ESRRG: variants seen among roughly 807,000 people sequenced by gnomAD.
ESRRG encodes estrogen-related receptor gamma.
In ESRRG, 13 loss-of-function variants were observed where a neutral mutation model predicts 44.0. The observed-to-expected ratio is 0.30, with a 90% CI of 0.19 to 0.47. The LOEUF is 0.47. ESRRG is among the 20% of genes least tolerant of loss of function. The pLI, the probability that ESRRG is intolerant of heterozygous loss-of-function variation, is 1.00. For synonymous variants in ESRRG, 215 were observed against 214.6 expected (o/e 1.00, Z -0.02); for missense variants, 395 against 580.6 (o/e 0.68, Z 3.29).
intron 2 of ESRRG, among the ~76,000 whole-genome samples, chr1:216,786,566 T>A (rs1296921954): frequency 6.6e-6 from 1 of 152,040 alleles, no homozygotes; most frequent in Non-Finnish European, 1.5e-5. Flanking sequence ...CTACATAAGA[T>A]AATATAGAAA....
intron 1 of ESRRG, among the ~76,000 whole-genome samples, chr1:217,060,824 A>ATGAT (rs1189198839): frequency 1.3e-5 from 2 of 151,854 alleles, no homozygotes; most frequent in African/African-American, 4.8e-5. Context: ...AGATAGATAG[A>ATGAT]TAGATAGAAA....
At chr1:217,005,892 G>C (rs2150722723) in intron 1 of ESRRG, among the ~76,000 whole-genome samples, 1 of 152,170 alleles carries the variant, frequency 6.6e-6, no homozygotes, top group African/African-American at 2.4e-5. Context: ...TCATTACTAT[G>C]TTAATCACTG....
intron 1 of ESRRG, among the ~76,000 whole-genome samples, chr1:216,960,739 C>T (rs2068877327): frequency 6.6e-6 from 1 of 152,066 alleles, no homozygotes; most frequent in Non-Finnish European, 1.5e-5. Context: ...GTGCATGCCA[C>T]CATGCCTGGC....
At chr1:216,552,296 CTCTTT>C (rs1022790683) in intron 5 of ESRRG, among the ~76,000 whole-genome samples, 2 of 151,930 alleles carry the variant, frequency 1.3e-5, no homozygotes, top group African/African-American at 4.8e-5. Context: ...GAATAGTATA[CTCTTT>C]TCTGAAAAAC....
chr1:216,748,351 A>G (rs1039479356), intron 2 of ESRRG, among the ~76,000 whole-genome samples: 6 of 152,170 alleles, frequency 3.9e-5, no homozygotes, highest in Non-Finnish European at 7.4e-5. Flanking sequence ...TAAGAAAAAC[A>G]TACAAGAAAG....
At chr1:217,032,687 G>A (rs1247179677) in intron 1 of ESRRG, among the ~76,000 whole-genome samples, 3 of 152,110 alleles carry the variant, frequency 2.0e-5, no homozygotes, top group African/African-American at 7.2e-5. Context: ...TGATTGTTTT[G>A]AAAACTGTGG....
rs181339719 is a variant in ESRRG, at chr1:216,877,013, T to A, written c.-14+62569A>T. On this transcript the variant is annotated intron_variant, in intron 2 of 7. Coordinates refer to the ESRRG transcript ENST00000359162. ...GTGTGTGTGTGTGTGTGTGTGTGTG[T>A]GATCTATGAAGCATGGAAGAATAAA... Among the ~76,000 whole-genome samples, 137 of 148,082 alleles carry A rather than the reference T, an allele frequency of 9.3e-4. 1 individual carries two copies. Among genetic ancestry groups the A allele is most frequent in the Middle Eastern group, 3.5e-3 (1 of 282 alleles).
At chr1:216,994,319 G>A (rs1358237812) in intron 1 of ESRRG, among the ~76,000 whole-genome samples, 1 of 152,150 alleles carries the variant, frequency 6.6e-6, no homozygotes, top group Non-Finnish European at 1.5e-5. Context: ...TCCAGTCCCA[G>A]GTATGCATTT....
chr1:216,871,223 G>A (rs1432408510), intron 2 of ESRRG, among the ~76,000 whole-genome samples: 1 of 151,740 alleles, frequency 6.6e-6, no homozygotes, highest in East Asian at 1.9e-4. Context: ...CTAATCCCCT[G>A]AGACTTCATC....
At chr1:216,989,164 A>G (rs74946152) in intron 1 of ESRRG, among the ~76,000 whole-genome samples, 3,743 of 152,162 alleles carry the variant, frequency 0.025, 151 homozygotes, top group African/African-American at 0.084. Context: ...TTATTTAAAA[A>G]GGGAGATTTG....
intron 2 of ESRRG, among the ~76,000 whole-genome samples, chr1:216,653,562 T>C (rs1334488922): frequency 2.6e-5 from 4 of 152,290 alleles, no homozygotes; most frequent in African/African-American, 7.2e-5. Flanking sequence ...CTTCAGACTT[T>C]CCTCTGAGAA....
intron 1 of ESRRG, among the ~76,000 whole-genome samples, chr1:217,082,217 C>T (rs1363530251): frequency 2.6e-5 from 4 of 152,120 alleles, no homozygotes; most frequent in Non-Finnish European, 5.9e-5. Flanking sequence ...ATGTACCAAC[C>T]GAAGACCACT....
At chr1:216,935,515 G>A (rs186711759) in intron 2 of ESRRG, among the ~76,000 whole-genome samples, 38 of 152,232 alleles carry the variant, frequency 2.5e-4, no homozygotes, top group East Asian at 1.2e-3. Context: ...GAAGGGGCAC[G>A]GGGTTTCCAA....
At chr1:216,815,986 G>A (rs184034135) in intron 2 of ESRRG, among the ~76,000 whole-genome samples, 2 of 152,244 alleles carry the variant, frequency 1.3e-5, no homozygotes, top group South Asian at 2.1e-4. Flanking sequence ...TGGCAGCCTG[G>A]ATACCAAATG....
At chr1:216,741,423 C>G (rs2090708537) in intron 2 of ESRRG, among the ~76,000 whole-genome samples, 2 of 148,330 alleles carry the variant, frequency 1.3e-5, no homozygotes, top group Non-Finnish European at 3.0e-5. Flanking sequence ...TTCTAACACT[C>G]CCCCCCGCCC....
At chr1:216,933,832 T>C (rs1010849615) in intron 2 of ESRRG, among the ~76,000 whole-genome samples, 1 of 152,116 alleles carries the variant, frequency 6.6e-6, no homozygotes, top group African/African-American at 2.4e-5. Context: ...TCTGCACTTG[T>C]ATTCCTCAAT....
upstream of ESRRG, among the ~76,000 whole-genome samples, chr1:216,724,033 T>A (rs144341830): frequency 7.2e-4 from 110 of 152,102 alleles, 1 homozygote; most frequent in Admixed American, 2.9e-3. Context: ...GCATTAAAAA[T>A]AATAATAATA....
intron 1 of ESRRG, among the ~76,000 whole-genome samples, chr1:217,108,305 TC>T (rs2092622039): frequency 1.3e-5 from 2 of 152,218 alleles, no homozygotes; most frequent in African/African-American, 4.8e-5. Flanking sequence ...AAATTTTTTC[TC>T]TACAACTTGG....
At chr1:216,661,820 A>T (rs1316364455) in intron 2 of ESRRG, among the ~76,000 whole-genome samples, 2 of 152,188 alleles carry the variant, frequency 1.3e-5, no homozygotes, top group African/African-American at 4.8e-5. Context: ...TCTAAAATTA[A>T]TACTGATTTG....
Sources: allele counts gnomAD v4.1 joint callset (sites outside exome capture counted in the v4.1 genomes callset), GRCh38; gene constraint gnomAD v4.1.1; transcripts MANE v1.5; gene names NCBI Gene and HGNC (gene_info 2026-07-23, HGNC 2026-07-21).